The following MOB1A variants were observed in gnomAD, a reference collection of about 807,000 sequenced individuals.
MOB1A encodes MOB1 Mps One Binder homolog A.
In MOB1A, 10 loss-of-function variants were observed where a neutral mutation model predicts 25.1. The observed-to-expected ratio is 0.40, with a 90% CI of 0.25 to 0.68. The LOEUF (loss-of-function observed/expected upper bound fraction) is 0.68, where lower values mean the gene tolerates loss of function less well. Among genes scored for constraint, MOB1A ranks in the 30% least tolerant of loss-of-function variants. The pLI, the probability that MOB1A is intolerant of heterozygous loss-of-function variation, is 0.40. For missense variants in MOB1A, 177 were observed against 256.3 expected (o/e 0.69, Z 2.11); for synonymous variants, 81 against 79.5 (o/e 1.02, Z -0.10).
At chr2:74,171,795 C>T (rs1372426802) in intron 2 of MOB1A, among the ~76,000 whole-genome samples, 2 of 151,796 alleles carry the variant, frequency 1.3e-5, no homozygotes, top group African/African-American at 2.4e-5. Context: ...CCCAGCTACT[C>T]AGGAGACTGA....
intron 2 of MOB1A, among the ~76,000 whole-genome samples, chr2:74,171,951 TAAACTTTTTATTC>T (rs1250529998): frequency 6.6e-6 from 1 of 152,204 alleles, no homozygotes; most frequent in Non-Finnish European, 1.5e-5. Context: ...ACTTTTTATT[TAAACTTTTTATTC>T]CTGGAACATC....
chr2:74,163,954 A>G lies in MOB1A; in HGVS notation c.409+1264T>C, dbSNP rs535430463. 6 of 152,294 alleles carry G rather than the reference A, an allele frequency of 3.9e-5. No homozygotes were observed. In the East Asian group the frequency reaches 9.7e-4, roughly 25 times the overall value. 9.4% of individuals were successfully genotyped at this position (152,294 alleles called of 1,614,324 possible). A position where few individuals can be genotyped will look rare whatever the true frequency, so the allele number is the denominator to read the frequency against. On this transcript the variant is annotated intron_variant, in intron 4 of 5. Transcript: ENST00000396049. ...GTTTCTAAGTTCTTTGGAAAAACAA[A>G]TATCCCAGAATAGCTGTGAATATTC...
chr2:74,168,000 G>A (rs768686542), intron 2 of MOB1A, among the ~76,000 whole-genome samples: 3 of 152,124 alleles, frequency 2.0e-5, no homozygotes, highest in East Asian at 1.9e-4. Context: ...TTAGCCAGGC[G>A]TGGTGGTGCA....
chr2:74,178,728 T>C lies in MOB1A; in HGVS notation c.-54A>G. 1.8e-6 allele frequency: 2 copies of C among 1,116,266 alleles called. No individual in the cohort carries two copies. Among genetic ancestry groups the C allele is most frequent in the Non-Finnish European group, 2.3e-6 (2 of 858,002 alleles). 69.1% of individuals were successfully genotyped at this position (1,116,266 alleles called of 1,614,324 possible). ...CCCCTGGCCCCCGCCTGGATCAGGATTCGGAGCTGGCTAGAGGGAGCGGAC... is the reference window on the plus strand; with the variant it reads ...CCCCTGGCCCCCGCCTGGATCAGGACTCGGAGCTGGCTAGAGGGAGCGGAC... On this transcript the variant is annotated 5_prime_UTR_variant, in exon 1 of 6. Coordinates refer to ENST00000396049, the MANE Select transcript of MOB1A (RefSeq NM_018221.5).
rs1247860939 is a variant in MOB1A, at chr2:74,154,486, T to C, written c.*2082A>G. 1 of 152,256 alleles carries C rather than the reference T, an allele frequency of 6.6e-6. No homozygotes were observed. Among genetic ancestry groups the C allele is most frequent in the Non-Finnish European group, 1.5e-5 (1 of 68,048 alleles). 9.4% of individuals were successfully genotyped at this position (152,256 alleles called of 1,614,324 possible). A position where few individuals can be genotyped will look rare whatever the true frequency, so the allele number is the denominator to read the frequency against. Reference sequence around the variant, plus strand: ...TGTCCCATTTATAAGCTGCCTTTACTACTGTCCTGACATGTGATCGTCTTT... The same window carrying C: ...TGTCCCATTTATAAGCTGCCTTTACCACTGTCCTGACATGTGATCGTCTTT... On this transcript the variant is annotated 3_prime_UTR_variant, in exon 6 of 6. Transcript: ENST00000396049.
At chr2:74,177,803 G>A (rs890114674) in intron 1 of MOB1A, among the ~76,000 whole-genome samples, 1 of 152,128 alleles carries the variant, frequency 6.6e-6, no homozygotes, top group African/African-American at 2.4e-5. Flanking sequence ...GGTAGAGAGA[G>A]ACACCTGAGA....
In MOB1A at chr2:74,156,536, G is replaced by T; in HGVS notation, c.*32C>A. The stretch of plus-strand genomic sequence containing the variant: ...TGAGATAGTTCTAGCAATAGATGAA[G>T]CAAGGGGGTAACTGTGTTCTAGAAG... On this transcript the variant is annotated 3_prime_UTR_variant, in exon 6 of 6. Coordinates refer to ENST00000396049, the MANE Select transcript of MOB1A (RefSeq NM_018221.5). The T allele has an allele frequency of 7.0e-7, 1 of 1,434,596 alleles. No individual in the cohort carries two copies. The highest frequency in any genetic ancestry group is 9.6e-7 in the Non-Finnish European group (1 of 1,040,816). 88.9% of individuals were successfully genotyped at this position (1,434,596 alleles called of 1,614,324 possible).
intron 3 of MOB1A, 93 bp from the exon 4 acceptor site, chr2:74,165,444 T>G: frequency 1.4e-6 from 1 of 707,362 alleles, no homozygotes; most frequent in East Asian, 3.2e-5. Flanking sequence ...ATTTTGTCAA[T>G]AGAAGTTACA....
chr2:74,172,809 GA>G, intron 1 of MOB1A, 57 bp from the exon 2 acceptor site: 1 of 1,523,266 alleles, frequency 6.6e-7, no homozygotes, highest in Non-Finnish European at 9.0e-7. Context: ...AGAACAGGTA[GA>G]ACAACATAAT....
At chr2:74,169,481 A>G (rs982868014) in intron 2 of MOB1A, among the ~76,000 whole-genome samples, 1 of 152,154 alleles carries the variant, frequency 6.6e-6, no homozygotes, top group African/African-American at 2.4e-5. Flanking sequence ...CCTGGGCGAC[A>G]GGGCGATACT....
At chr2:74,170,724 C>A (rs1470547719) in intron 2 of MOB1A, among the ~76,000 whole-genome samples, 126 of 121,812 alleles carry the variant, frequency 1.0e-3, no homozygotes, top group South Asian at 1.4e-3. Context: ...GATTCCATCT[C>A]AAAAAAAAAA....
chr2:74,167,879 G>A (rs1186655460), intron 2 of MOB1A, among the ~76,000 whole-genome samples: 2 of 152,164 alleles, frequency 1.3e-5, no homozygotes, highest in Non-Finnish European at 2.9e-5. Flanking sequence ...GCTCATGCCT[G>A]TAATCCCAGC....
At chr2:74,171,137 G>A (rs1298192297) in intron 2 of MOB1A, among the ~76,000 whole-genome samples, 7 of 151,322 alleles carry the variant, frequency 4.6e-5, no homozygotes, top group African/African-American at 1.5e-4. Context: ...AAAATTAGCC[G>A]GGCGTGGTGG....
rs534118744 is a variant in MOB1A at position 74,174,121 on chromosome 2, A to C, written c.15-1369T>G. Among the ~76,000 whole-genome samples, 4 of 148,734 alleles carry C rather than the reference A, an allele frequency of 2.7e-5. No individual in the cohort carries two copies. In the South Asian group the frequency reaches 6.4e-4, roughly 24 times the overall value. ...TCTCCACTAAAAAACAAGTACAAAA[A>C]TTAGCTGGGCGTGGTGGCACACGCC... On this transcript the variant is annotated intron_variant, in intron 1 of 5. Coordinates refer to ENST00000396049, the MANE Select transcript of MOB1A (RefSeq NM_018221.5).
At chr2:74,160,490 C>CTGGCCAAAGAGACCAGCT (rs1304206658) in intron 4 of MOB1A, among the ~76,000 whole-genome samples, 1 of 152,128 alleles carries the variant, frequency 6.6e-6, no homozygotes, top group Non-Finnish European at 1.5e-5. Flanking sequence ...CAAGACCAGC[C>CTGGCCAAAGAGACCAGCT]TGGCCAAAGA....
rs11126425 is a variant in MOB1A, at chr2:74,153,862, A to G, written c.*2706T>C. 21,245 of 152,114 alleles carry G rather than the reference A, an allele frequency of 0.14. 1,818 individuals are homozygous for G. Among genetic ancestry groups the G allele is most frequent in the East Asian group, 0.39 (1,980 of 5,132 alleles). 9.4% of individuals were successfully genotyped at this position (152,114 alleles called of 1,614,324 possible). On this transcript the variant is annotated 3_prime_UTR_variant, in exon 6 of 6. Transcript: ENST00000396049. ...GGGGAGATAAAAGTGAGAAGAGTCA[A>G]AAAGATTGATTTCTATAGGCCGGGC...
rs35382378 is a variant in MOB1A, at chr2:74,173,376, G to GTTTTTT, written c.15-630_15-625dup. 1.7e-4 allele frequency among the ~76,000 whole-genome samples: 16 copies of GTTTTTT among 93,324 alleles called. 1 individual carries two copies. Among genetic ancestry groups the GTTTTTT allele is most frequent in the Admixed American group, 5.1e-4 (4 of 7,876 alleles). 61.2% of individuals were successfully genotyped at this position (93,324 alleles called of 152,430 possible). A position where few individuals can be genotyped will look rare whatever the true frequency, so the allele number is the denominator to read the frequency against. ...GAACCTTCTTTTGGCCTCAATTTCG[G>GTTTTTT]TTTTTTTTTTTTTTTTTTTTTTGAG... is the stretch of plus-strand genomic sequence containing the variant. On this transcript the variant is annotated intron_variant, in intron 1 of 5. Coordinates refer to ENST00000396049, the MANE Select transcript of MOB1A (RefSeq NM_018221.5).
At chr2:74,171,170 T>A (rs1004729938) in intron 2 of MOB1A, among the ~76,000 whole-genome samples, 3 of 151,592 alleles carry the variant, frequency 2.0e-5, no homozygotes, top group African/African-American at 7.3e-5. Context: ...ATCCCTCAGC[T>A]ACTGGGGAGG....
At chr2:74,158,665 G>C (rs72917163) in intron 5 of MOB1A, among the ~76,000 whole-genome samples, 11,301 of 151,590 alleles carry the variant, frequency 0.075, 1,389 homozygotes, top group African/African-American at 0.26. Context: ...TGTAATCACA[G>C]CTATTCGGGA....
Sources: gnomAD v4.1 joint callset for allele counts (sites outside exome capture counted in the v4.1 genomes callset) on GRCh38, gnomAD v4.1.1 for gene constraint, MANE v1.5 for transcripts, NCBI Gene and HGNC (gene_info 2026-07-23, HGNC 2026-07-21) for gene names.